Variants in SLCO1B3 observed in about 807,000 individuals in gnomAD.
SLCO1B3 encodes liver-specific organic anion transporter 2.
Under a neutral mutation model 71.8 loss-of-function variants are expected in SLCO1B3, and 72 were observed. The observed-to-expected ratio is 1.00, with a 90% confidence interval of 0.83 to 1.22. SLCO1B3 has a LOEUF of 1.22. Ranked by LOEUF, SLCO1B3 falls within the 50% of genes most tolerant of loss-of-function variation. The pLI is 0.00. For missense variants in SLCO1B3, 911 were observed against 819.7 expected (o/e 1.11, Z -1.36); for synonymous variants, 298 against 278.4 (o/e 1.07, Z -0.70).
At chr12:20,900,507 A>G (rs559801373) in intron 14 of SLCO1B3, among the ~76,000 whole-genome samples, 1 of 152,316 alleles carries the variant, frequency 6.6e-6, no homozygotes, top group South Asian at 2.1e-4. Context: ...TACTTCTCCT[A>G]TAAACAACAT....
chr12:20,890,087 T>A (rs977756399), intron 13 of SLCO1B3, among the ~76,000 whole-genome samples: 2 of 152,032 alleles, frequency 1.3e-5, no homozygotes, highest in Non-Finnish European at 2.9e-5. Flanking sequence ...CCAGCTAATT[T>A]TTTTTATTTG....
chr12:20,843,440 C>T (rs951011036), intron 3 of SLCO1B3, among the ~76,000 whole-genome samples: 5 of 152,142 alleles, frequency 3.3e-5, no homozygotes, highest in African/African-American at 1.2e-4. Context: ...TGAATGACTA[C>T]ATGGCTAAAT....
chr12:20,913,321 G>A (rs1309991554), intron 15 of SLCO1B3, among the ~76,000 whole-genome samples: 1 of 152,254 alleles, frequency 6.6e-6, no homozygotes, highest in African/African-American at 2.4e-5. Context: ...TATCTATGGT[G>A]AAATTGGTTT....
At chr12:20,843,139 G>T (rs143954933) in intron 3 of SLCO1B3, among the ~76,000 whole-genome samples, 2 of 151,968 alleles carry the variant, frequency 1.3e-5, no homozygotes, top group East Asian at 3.9e-4. Flanking sequence ...TCTTTGATAC[G>T]CCTCTTTAAC....
At chr12:20,862,142 G>A (rs1865279261) in intron 6 of SLCO1B3, among the ~76,000 whole-genome samples, 1 of 152,068 alleles carries the variant, frequency 6.6e-6, no homozygotes, top group African/African-American at 2.4e-5. Context: ...TGTACATAAG[G>A]AATATTATGC....
Position 20,832,707 on chromosome 12 carries a change from C to G in SLCO1B3, c.84+16885C>G, listed in dbSNP as rs147538501. On this transcript the variant is annotated intron_variant, in intron 3 of 15. Transcript: ENST00000381545. Reference sequence around the variant, plus strand: ...TCTGACTTGGGGAATTTTGCATTTCCTTGTTCCTCTTCTAAAACGTTCTTC... The same window carrying G: ...TCTGACTTGGGGAATTTTGCATTTCGTTGTTCCTCTTCTAAAACGTTCTTC... Among the ~76,000 whole-genome samples, 1,156 of 152,200 alleles carry G rather than the reference C, an allele frequency of 7.6e-3. 11 individuals carry two copies. The highest frequency in any genetic ancestry group is 0.027 in the African/African-American group (1,111 of 41,514).
intron 13 of SLCO1B3, among the ~76,000 whole-genome samples, chr12:20,890,820 G>A (rs1241609010): frequency 6.6e-6 from 1 of 152,094 alleles, no homozygotes; most frequent in Middle Eastern, 3.2e-3. Context: ...TCTAATGCCA[G>A]TATAACTACT....
At chr12:20,912,301 T>TTTTATTTATTTATTTA (rs142241896) in intron 15 of SLCO1B3, among the ~76,000 whole-genome samples, 2 of 139,702 alleles carry the variant, frequency 1.4e-5, no homozygotes, top group East Asian at 2.1e-4. Flanking sequence ...TTATTTTTAT[T>TTTTATTTATTTATTTA]TTTATTTATT....
chr12:20,886,356 A>G (rs1191239706), intron 13 of SLCO1B3, among the ~76,000 whole-genome samples: 1 of 152,060 alleles, frequency 6.6e-6, no homozygotes, highest in Non-Finnish European at 1.5e-5. Context: ...TACAGATGCT[A>G]TTTAAATCCA....
chr12:20,858,758 A>C (rs1461293183), intron 5 of SLCO1B3, 187 bp downstream of exon 5: 7 of 391,108 alleles, frequency 1.8e-5, no homozygotes, highest in Non-Finnish European at 2.7e-5. Context: ...GTATTTCTTT[A>C]TTTATCATGG....
At chr12:20,875,556 A>G in intron 9 of SLCO1B3, 79 bp downstream of exon 9, 4 of 1,400,976 alleles carry the variant, frequency 2.9e-6, no homozygotes, top group Non-Finnish European at 3.9e-6. Context: ...AAAATAAAGC[A>G]TACTCAAATC....
At chr12:20,873,402 C>T (rs1020470929) in intron 8 of SLCO1B3, among the ~76,000 whole-genome samples, 1 of 152,212 alleles carries the variant, frequency 6.6e-6, no homozygotes, top group Non-Finnish European at 1.5e-5. Flanking sequence ...ACCTAGGGGG[C>T]AGGATCTGTG....
chr12:20,891,816 T>G (rs768802347), intron 13 of SLCO1B3, among the ~76,000 whole-genome samples: 2 of 152,092 alleles, frequency 1.3e-5, no homozygotes, highest in African/African-American at 2.4e-5. Flanking sequence ...TGGCTTATTG[T>G]TAAAGCTTTC....
chr12:20,811,132 A>G (rs1256998855), intron 1 of SLCO1B3, among the ~76,000 whole-genome samples: 1 of 152,210 alleles, frequency 6.6e-6, no homozygotes, highest in East Asian at 1.9e-4. Context: ...TTGAATTACT[A>G]TACCAGGCTC....
chr12:20,845,288 A>ATC (rs1864892745), intron 3 of SLCO1B3: 4 of 332,742 alleles, frequency 1.2e-5, no homozygotes, highest in South Asian at 2.6e-5. Flanking sequence ...CCAGTTAGTG[A>ATC]AAAGGTTTGA....
chr12:20,897,253 G>T (rs73233629), intron 13 of SLCO1B3, among the ~76,000 whole-genome samples: 3,518 of 152,248 alleles, frequency 0.023, 142 homozygotes, highest in African/African-American at 0.08. Context: ...AACTATTTTA[G>T]ATTTAACTTT....
intron 15 of SLCO1B3, among the ~76,000 whole-genome samples, chr12:20,910,979 A>G (rs1164760485): frequency 3.3e-5 from 5 of 151,854 alleles, no homozygotes; most frequent in Admixed American, 6.6e-5. Context: ...CTTTCTGTGT[A>G]CCATGTTGAA....
chr12:20,868,691 G>C (rs897729674), intron 8 of SLCO1B3, among the ~76,000 whole-genome samples: 2 of 152,026 alleles, frequency 1.3e-5, no homozygotes, highest in African/African-American at 4.8e-5. Context: ...CCCTGGGCCT[G>C]GGGGACCACT....
At chr12:20,813,420 G>C (rs576377238) in intron 1 of SLCO1B3, 104 bp from the exon 2 acceptor site, 1 of 152,162 alleles carries the variant, frequency 6.6e-6, no homozygotes, top group African/African-American at 2.4e-5. Flanking sequence ...AATTTGAGTT[G>C]CTCTGTTTCC....
Sources: gnomAD v4.1 joint callset for allele counts (sites outside exome capture counted in the v4.1 genomes callset) on GRCh38, gnomAD v4.1.1 for gene constraint, MANE v1.5 for transcripts, NCBI Gene and HGNC (gene_info 2026-07-23, HGNC 2026-07-21) for gene names.